Variants in UXT observed in about 807,000 individuals in gnomAD.
UXT encodes the protein ubiquitously expressed prefoldin like chaperone.
For synonymous variants in UXT, 54 were observed against 52.8 expected (o/e 1.02, Z -0.10); for missense variants, 111 against 132.7 (o/e 0.84, Z 0.80).
Position 47,654,027 on chromosome X carries a change from A to C in UXT, c.393-1883T>G, listed in dbSNP as rs1022574755. On this transcript the variant is annotated intron_variant, in intron 4 of 5. Coordinates refer to ENST00000335890, the MANE Select transcript of UXT (RefSeq NM_153477.3). ...CAAAATTAGTTAATGGTGTAAGCTT[A>C]CCTTATGAAAACCTATGAGTTCAAC... 10 of 718,672 alleles carry C rather than the reference A, an allele frequency of 1.4e-5. No individual in the cohort carries two copies. In the African/African-American group the frequency reaches 2.1e-4, roughly 15 times the overall value. 59.2% of individuals were successfully genotyped at this position (718,672 alleles called of 1,213,427 possible).
chrX:47,652,015 G>A lies in UXT; in HGVS notation c.456+66C>T, dbSNP rs980874833. 5 of 1,178,480 alleles carry A rather than the reference G, an allele frequency of 4.2e-6. No individual in the cohort carries two copies. The South Asian group carries it at 5.5e-5, about 13-fold the overall frequency. ...GGAAAGATGGTCCTTCCCTTCTTTC[G>A]CTCTCTTCCTTCTTCAGGTCACCAC... is the stretch of plus-strand genomic sequence containing the variant. On this transcript the variant is annotated intron_variant, in intron 5 of 5. Transcript: ENST00000335890.
Position 47,651,876 on chromosome X carries a change from C to G in UXT, c.476G>C (p.Gly159Ala), listed in dbSNP as rs200881714. Residue 159 changes from glycine to alanine, a missense_variant, in exon 6 of 6, where the codon GGC (glycine) becomes GCC (alanine). Transcript: ENST00000335890. The stretch of plus-strand genomic sequence containing the variant: ...AGGCTTCTCTGGGAAATTCTGCAGG[C>G]CTTGTAGTTCTCTAAGCCCCTGAAA... The G allele has an allele frequency of 7.6e-5, 92 of 1,210,129 alleles. No homozygotes were observed. Among genetic ancestry groups the G allele is most frequent in the Non-Finnish European group, 9.9e-5 (89 of 895,085 alleles).
rs2058086257 is a variant in UXT, at chrX:47,657,193, G to A, written c.382C>T (p.Leu128Phe). 8.3e-7 allele frequency: 1 copy of A among 1,200,707 alleles called. No homozygotes were observed. The highest frequency in any genetic ancestry group is 1.7e-5 in the African/African-American group (1 of 57,618). The change falls in exon 4 of 6, where the codon CTC (leucine) becomes TTC (phenylalanine). Residue 128 changes from leucine (L) to phenylalanine (F), a missense_variant. Physicochemically the swap from Leu to Phe is conservative, Grantham distance 22. Transcript: ENST00000335890. ...ATGGAATGGACTTACTCTGTGAGGA[G>A]AGAGCTCTTACGATCAATGAACTTG...
rs1221948538 is a variant in UXT, at chrX:47,657,277, G to A, written c.298C>T (p.Arg100Cys). ...CCATATCCCAGGGCCACATAGATGC[G>A]TGAAGTATCTGGGCTGAGGAAAGAG... is the stretch of plus-strand genomic sequence containing the variant. The change falls in exon 4 of 6, where the codon CGC (arginine) becomes TGC (cysteine). Residue 100 changes from arginine to cysteine, a missense_variant. Coordinates refer to ENST00000335890, the MANE Select transcript of UXT (RefSeq NM_153477.3). 3 of 1,198,958 alleles carry A rather than the reference G, an allele frequency of 2.5e-6. No individual in the cohort carries two copies. Among genetic ancestry groups the A allele is most frequent in the Admixed American group, 2.2e-5 (1 of 45,160 alleles).
intron 4 of UXT, among the ~76,000 whole-genome samples, chrX:47,655,755 T>C (rs2058081519): frequency 9.0e-6 from 1 of 111,593 alleles, no homozygotes; most frequent in South Asian, 3.8e-4. Flanking sequence ...ATGATTCAAA[T>C]GTCCCTTCCT....
chrX:47,654,017 G>C lies in UXT; in HGVS notation c.393-1873C>G, dbSNP rs774299193. 1.8e-5 allele frequency: 12 copies of C among 676,813 alleles called. No individual in the cohort carries two copies. In the African/African-American group the frequency reaches 2.6e-4, roughly 15 times the overall value. 55.8% of individuals were successfully genotyped at this position (676,813 alleles called of 1,213,427 possible). On this transcript the variant is annotated intron_variant, in intron 4 of 5. Transcript: ENST00000335890. ...AAAAAGAGAACAAAATTAGTTAATG[G>C]TGTAAGCTTACCTTATGAAAACCTA... is the stretch of plus-strand genomic sequence containing the variant.
Position 47,657,763 on chromosome X carries a change from CCAA to C in UXT, c.216+16_216+18del, listed in dbSNP as rs2058088553. ...CCCACACATACCAAAAAAATGGTAC[CCAA>C]TCCCATAGTCTTTACCTGGAGTCGC... On this transcript the variant is annotated intron_variant, in intron 2 of 5. Coordinates refer to ENST00000335890, the MANE Select transcript of UXT (RefSeq NM_153477.3). The C allele has an allele frequency of 8.4e-7, 1 of 1,193,547 alleles. No homozygotes were observed. Among genetic ancestry groups the C allele is most frequent in the Non-Finnish European group, 1.1e-6 (1 of 886,830 alleles).
chrX:47,657,010 T>C, intron 4 of UXT, 173 bp downstream of exon 5: 1 of 433,553 alleles, frequency 2.3e-6, no homozygotes, highest in Non-Finnish European at 4.0e-6. Context: ...GATCATTTTT[T>C]GAGTGCTTAT....
In UXT at chrX:47,657,934, C is replaced by G. The variant is rs935662215; in HGVS notation, c.135-71G>C. The G allele has an allele frequency of 5.7e-6, 5 of 870,693 alleles. No homozygotes were observed. In the South Asian group the frequency reaches 1.5e-4, roughly 27 times the overall value. 71.8% of individuals were successfully genotyped at this position (870,693 alleles called of 1,213,427 possible). On this transcript the variant is annotated intron_variant, in intron 1 of 5. Coordinates refer to ENST00000335890, the MANE Select transcript of UXT (RefSeq NM_153477.3). Reference sequence around the variant, plus strand: ...CTCCTAGTATACCTCATATCATGACCCTCTGAGACTCTCATGTCACCATAC... The same window carrying G: ...CTCCTAGTATACCTCATATCATGACGCTCTGAGACTCTCATGTCACCATAC...
intron 4 of UXT, among the ~76,000 whole-genome samples, chrX:47,656,813 A>T (rs1048881956): frequency 7.1e-5 from 8 of 111,900 alleles, no homozygotes; most frequent in African/African-American, 2.3e-4. Flanking sequence ...CTTGTTACCA[A>T]TTCTAACAGG....
rs763243905 is a variant in UXT at position 47,652,066 on chromosome X, G to A, written c.456+15C>T. ...CCTAAACACAGAGTCTGGTAGTGGG[G>A]TGAGCTGCTCTCACCTCTAGCAACA... On this transcript the variant is annotated intron_variant, in intron 5 of 5. Transcript: ENST00000335890. 6 of 1,207,616 alleles carry A rather than the reference G, an allele frequency of 5.0e-6. No homozygotes were observed. In the South Asian group the frequency reaches 1.1e-4, roughly 21 times the overall value.
intron 1 of UXT, among the ~76,000 whole-genome samples, chrX:47,658,194 C>G (rs1210270290): frequency 1.8e-5 from 2 of 111,101 alleles, no homozygotes; most frequent in African/African-American, 3.3e-5. Context: ...ATGGTAAACT[C>G]TCTATATACA....
At chrX:47,654,228 A>G (rs2058076971) in intron 4 of UXT, 14 of 236,216 alleles carry the variant, frequency 5.9e-5, no homozygotes, top group Non-Finnish European at 7.4e-5. Context: ...TTTTTTTGAG[A>G]TGGAGTCTCA....
intron 1 of UXT, among the ~76,000 whole-genome samples, chrX:47,658,573 C>A (rs1487694719): frequency 8.9e-6 from 1 of 112,132 alleles, no homozygotes; most frequent in African/African-American, 3.2e-5. Flanking sequence ...GATTCGAACC[C>A]GAGAACTGTG....
intron 4 of UXT, among the ~76,000 whole-genome samples, chrX:47,654,367 C>T (rs908847296): frequency 4.6e-5 from 5 of 109,869 alleles, no homozygotes; most frequent in Admixed American, 9.7e-5. Flanking sequence ...CCACCGTTCC[C>T]GGCTAATTTT....
At position 47,658,929 on chromosome X, in the gene UXT, A is replaced by G; in HGVS notation, c.35T>C (p.Ile12Thr). The change falls in exon 1 of 6, where the codon ATC (isoleucine) becomes ACC (threonine). Residue 12 changes from isoleucine to threonine, a missense_variant. Physicochemically the swap from Ile to Thr is moderately conservative, Grantham distance 89. Coordinates refer to ENST00000335890, the MANE Select transcript of UXT (RefSeq NM_153477.3). ...CCGCCGCTTAGGGGGCGTCGCCATG[A>G]TGGGCTCCTGGGGAGTGGGGAGGGG... 6.7e-6 allele frequency: 8 copies of G among 1,198,760 alleles called. No individual in the cohort carries two copies. Among genetic ancestry groups the G allele is most frequent in the Non-Finnish European group, 6.8e-6 (6 of 887,663 alleles).
intron 5 of UXT, 82 bp from the exon 7 acceptor site, chrX:47,651,977 C>T: frequency 1.7e-6 from 2 of 1,181,144 alleles, no homozygotes; most frequent in Non-Finnish European, 2.3e-6. Flanking sequence ...CCTCCCTTGA[C>T]TCCAGTTTAG....
At position 47,659,082 on chromosome X, in the gene UXT, G is replaced by T; in HGVS notation, c.-119C>A. 9.3e-7 allele frequency: 1 copy of T among 1,078,936 alleles called. No homozygotes were observed. The highest frequency in any genetic ancestry group is 1.3e-6 in the Non-Finnish European group (1 of 788,640). The allele number at this position is 1,078,936 out of a possible 1,213,427, so 88.9% of individuals were successfully genotyped here. ...TCCGCCCCTCCCAACTCGGGGACCC[G>T]ACCACCCAGGGACACCCAAGCGCGG... On this transcript the variant is annotated 5_prime_UTR_variant, in exon 1 of 6. Transcript: ENST00000335890.
In UXT at chrX:47,651,831, G is replaced by A; in HGVS notation, c.*11C>T. 1 of 1,209,720 alleles carries A rather than the reference G, an allele frequency of 8.3e-7. No individual in the cohort carries two copies. Among genetic ancestry groups the A allele is most frequent in the African/African-American group, 1.7e-5 (1 of 57,749 alleles). ...TCAGGCTCTTTAATGTCTGAGGATG[G>A]GGGGAAGAAGTCAATGGTGAGGCTT... On this transcript the variant is annotated 3_prime_UTR_variant, in exon 6 of 6. Transcript: ENST00000335890.
Sources: allele counts gnomAD v4.1 joint callset (sites outside exome capture counted in the v4.1 genomes callset), GRCh38; gene constraint gnomAD v4.1.1; transcripts MANE v1.5; gene names NCBI Gene and HGNC (gene_info 2026-07-23, HGNC 2026-07-21).